Variants in SPEF2 observed in about 807,000 individuals in gnomAD.
SPEF2 encodes the protein sperm flagella and cilia-associated protein 2.
In SPEF2, 187 loss-of-function variants were observed where a neutral mutation model predicts 224.6. That is an observed-to-expected ratio of 0.83 (90% CI 0.74 to 0.94). SPEF2 has a LOEUF of 0.94. SPEF2 is among the 40% of genes least tolerant of loss of function. The pLI is 0.00. For missense variants in SPEF2, 2,170 were observed against 2,135.6 expected, an observed-to-expected ratio of 1.02 and a Z score of -0.32; for synonymous variants, 715 against 707.3, an observed-to-expected ratio of 1.01 and a Z score of -0.17.
chr5:35,622,703 A>G (rs1221448178), intron 1 of SPEF2, among the ~76,000 whole-genome samples: 1 of 152,194 alleles, frequency 6.6e-6, no homozygotes, highest in South Asian at 2.1e-4. Context: ...ACAGATTTTG[A>G]TATTTCCTGG....
Position 35,656,540 on chromosome 5 carries a change from A to G in SPEF2, c.978+1814A>G, listed in dbSNP as rs1416655629. 2.0e-5 allele frequency among the ~76,000 whole-genome samples: 3 copies of G among 152,190 alleles called. No homozygotes were observed. In the East Asian group the frequency reaches 5.8e-4, roughly 29 times the overall value. On this transcript the variant is annotated intron_variant, in intron 7 of 36. Coordinates refer to ENST00000356031, the MANE Select transcript of SPEF2 (RefSeq NM_024867.4). ...AAAATACCTACCCATTTCAAGTTTC[A>G]TTACCTAGCAATGAAATTTTGAACA...
intron 1 of SPEF2, among the ~76,000 whole-genome samples, chr5:35,625,990 G>A (rs144368748): frequency 6.6e-4 from 101 of 152,320 alleles, no homozygotes; most frequent in African/African-American, 2.2e-3. Flanking sequence ...CTTCATTTTA[G>A]TAGCATCGAA....
chr5:35,639,536 T>A (rs2149396603), intron 2 of SPEF2, among the ~76,000 whole-genome samples: 1 of 152,320 alleles, frequency 6.6e-6, no homozygotes, highest in East Asian at 1.9e-4. Context: ...GAAATATATT[T>A]TGTAAATAAC....
rs150918145 is a variant in SPEF2, at chr5:35,773,832, G to A, written c.3950-61G>A. 275 of 1,546,656 alleles carry A rather than the reference G, an allele frequency of 1.8e-4. 4 individuals are homozygous for A. In the East Asian group the frequency reaches 4.9e-3, roughly 28 times the overall value. ...TTTGCTTTGTGCTCATTCTGTCCAA[G>A]TACTATGTGCACACCTTTGTATTTT... On this transcript the variant is annotated intron_variant, in intron 27 of 36. Transcript: ENST00000356031.
chr5:35,641,692 A>G lies in SPEF2; in HGVS notation c.414+9A>G, dbSNP rs558240046. On this transcript the variant is annotated intron_variant, in intron 3 of 36. Coordinates refer to ENST00000356031, the MANE Select transcript of SPEF2 (RefSeq NM_024867.4). Reference sequence around the variant, plus strand: ...GTGATACTTTTCAAGAGGTAGGTACATAAAAAAGCATAATAAGCATGTCAC... The same window carrying G: ...GTGATACTTTTCAAGAGGTAGGTACGTAAAAAAGCATAATAAGCATGTCAC... 5 of 1,606,414 alleles carry G rather than the reference A, an allele frequency of 3.1e-6. No individual in the cohort carries two copies. Among genetic ancestry groups the G allele is most frequent in the Non-Finnish European group, 3.4e-6 (4 of 1,177,292 alleles).
chr5:35,740,311 A>T, intron 23 of SPEF2, 44 bp downstream of exon 23: 2 of 1,607,936 alleles, frequency 1.2e-6, no homozygotes, highest in Non-Finnish European at 1.7e-6. Context: ...GCTGGCTTTC[A>T]TATCTTGTCC....
intron 15 of SPEF2, chr5:35,700,228 A>C (rs1738321839): frequency 2.4e-6 from 1 of 414,850 alleles, no homozygotes; most frequent in Non-Finnish European, 4.3e-6. Context: ...CAGCATGGAA[A>C]GGGACTAATA....
intron 21 of SPEF2, among the ~76,000 whole-genome samples, chr5:35,731,733 T>C (rs1745676429): frequency 6.6e-6 from 1 of 152,220 alleles, no homozygotes; most frequent in Non-Finnish European, 1.5e-5. Context: ...CAGAGAATAC[T>C]GCCTTGGCTA....
chr5:35,735,592 T>A (rs1746451008), intron 21 of SPEF2, among the ~76,000 whole-genome samples: 1 of 152,194 alleles, frequency 6.6e-6, no homozygotes, highest in Non-Finnish European at 1.5e-5. Flanking sequence ...CATTTCTTGA[T>A]TGGAGAGGAA....
intron 36 of SPEF2, among the ~76,000 whole-genome samples, chr5:35,809,761 C>T (rs1462451983): frequency 1.3e-5 from 2 of 152,134 alleles, no homozygotes; most frequent in Non-Finnish European, 2.9e-5. Flanking sequence ...TTCTTCATCC[C>T]TAAGCATTCC....
chr5:35,637,208 A>G (rs983987740), intron 2 of SPEF2, among the ~76,000 whole-genome samples: 1 of 152,146 alleles, frequency 6.6e-6, no homozygotes, highest in Non-Finnish European at 1.5e-5. Context: ...TCCTACCACT[A>G]TTAAGCAGCT....
intron 21 of SPEF2, among the ~76,000 whole-genome samples, chr5:35,734,216 T>G (rs1435333689): frequency 9.9e-5 from 15 of 152,188 alleles, no homozygotes. Flanking sequence ...AGATGTCATC[T>G]TTCTCCAGTC....
At chr5:35,754,157 A>G (rs1007877028) in intron 24 of SPEF2, among the ~76,000 whole-genome samples, 7 of 152,210 alleles carry the variant, frequency 4.6e-5, no homozygotes, top group Non-Finnish European at 1.0e-4. Flanking sequence ...CCAGGCAGAC[A>G]TTTGATTCCT....
At chr5:35,776,173 C>T (rs1753590779) in intron 28 of SPEF2, 84 bp from the exon 29 acceptor site, 19 of 1,356,372 alleles carry the variant, frequency 1.4e-5, no homozygotes, top group Non-Finnish European at 1.6e-5. Context: ...AATTGAAGCA[C>T]CAGTGGTTTC....
At chr5:35,751,092 C>CATATATAT (rs1270915602) in intron 23 of SPEF2, among the ~76,000 whole-genome samples, 3 of 54,722 alleles carry the variant, frequency 5.5e-5, no homozygotes, top group Admixed American at 2.0e-4. Flanking sequence ...CACACACACA[C>CATATATAT]ACACATATAT....
chr5:35,799,166 A>T lies in SPEF2; in HGVS notation c.4831-802A>T, dbSNP rs139106147. Among the ~76,000 whole-genome samples, 674 of 152,294 alleles carry T rather than the reference A, an allele frequency of 4.4e-3. 4 individuals are homozygous for T. The highest frequency in any genetic ancestry group is 0.015 in the African/African-American group (638 of 41,564). On this transcript the variant is annotated intron_variant, in intron 33 of 36. Transcript: ENST00000356031. The stretch of plus-strand genomic sequence containing the variant: ...GTCCAGCACCATATACTTAACCAGA[A>T]TTCACATTTTAAAAAGGTTCTCCAG...
At chr5:35,797,671 A>G (rs1428716907) in intron 33 of SPEF2, among the ~76,000 whole-genome samples, 1 of 152,204 alleles carries the variant, frequency 6.6e-6, no homozygotes, top group African/African-American at 2.4e-5. Context: ...TTAACTATAC[A>G]TGGTTAAACA....
At chr5:35,782,674 A>G (rs914815677) in intron 30 of SPEF2, among the ~76,000 whole-genome samples, 1 of 152,120 alleles carries the variant, frequency 6.6e-6, no homozygotes, top group Non-Finnish European at 1.5e-5. Flanking sequence ...TAGTATCAAG[A>G]TGTAAATGGA....
chr5:35,792,389 C>A lies in SPEF2; in HGVS notation c.4497C>A (p.Thr1499=). 6.2e-7 allele frequency: 1 copy of A among 1,613,606 alleles called. No homozygotes were observed. Residue 1499 remains threonine (T), a synonymous_variant, in exon 31 of 37, where the codon ACC becomes ACA. Transcript: ENST00000356031. Reference sequence around the variant, plus strand: ...CTGACATTCTGATCGATTTGGTGACCCTGAACCTTGGCACAAACAACTTTC... The same window carrying A: ...CTGACATTCTGATCGATTTGGTGACACTGAACCTTGGCACAAACAACTTTC... The part of the protein sequence containing the change: ...AFTDILIDLV[T]LNLGTNNFPS...
Sources: gnomAD v4.1 joint callset for allele counts (sites outside exome capture counted in the v4.1 genomes callset) on GRCh38, gnomAD v4.1.1 for gene constraint, MANE v1.5 for transcripts, NCBI Gene and HGNC (gene_info 2026-07-23, HGNC 2026-07-21) for gene names.